BAZ2B: variants seen among roughly 807,000 people sequenced by gnomAD.
BAZ2B encodes the protein bromodomain adjacent to zinc finger domain 2B.
In BAZ2B, 91 loss-of-function variants were observed where a neutral mutation model predicts 246.0. The observed-to-expected ratio is 0.37, with a 90% confidence interval of 0.31 to 0.44. The LOEUF is 0.44. BAZ2B is among the 20% of genes least tolerant of loss of function. BAZ2B has a pLI of 1.00. For missense variants in BAZ2B, 2,332 were observed against 2,533.7 expected, an observed-to-expected ratio of 0.92 and a Z score of 1.71; for synonymous variants, 855 against 860.0, an observed-to-expected ratio of 0.99 and a Z score of 0.10.
chr2:159,623,581 A>G, the BAZ2B span, among the ~76,000 whole-genome samples: 1 of 152,192 alleles, frequency 6.6e-6, no homozygotes, highest in Non-Finnish European at 1.5e-5. Context: ...TGAGGCTCCT[A>G]TAGAAAAAAG....
intron 2 of BAZ2B, among the ~76,000 whole-genome samples, chr2:159,508,614 A>T (rs1380938442): frequency 6.6e-6 from 1 of 151,980 alleles, no homozygotes. Context: ...CCAAAAATAA[A>T]AAAAAAAATT....
intron 6 of BAZ2B, among the ~76,000 whole-genome samples, chr2:159,440,987 A>C (rs1483134028): frequency 1.3e-5 from 2 of 152,174 alleles, no homozygotes; most frequent in Non-Finnish European, 2.9e-5. Context: ...ACAATGAGAA[A>C]GATCACAAGG....
At chr2:159,483,447 G>T (rs2079463662) in intron 2 of BAZ2B, among the ~76,000 whole-genome samples, 1 of 152,138 alleles carries the variant, frequency 6.6e-6, no homozygotes, top group Non-Finnish European at 1.5e-5. Flanking sequence ...CTATCTGCCT[G>T]TCTTCGCCTC....
downstream of BAZ2B, among the ~76,000 whole-genome samples, chr2:159,318,088 G>C (rs563617263): frequency 9.7e-4 from 148 of 151,978 alleles, 1 homozygote; most frequent in South Asian, 2.1e-3. Context: ...AGCCCCTGAG[G>C]CACCAGACAT....
At chr2:159,636,403 T>C in the BAZ2B span, among the ~76,000 whole-genome samples, 21 of 152,108 alleles carry the variant, frequency 1.4e-4, no homozygotes, top group African/African-American at 4.8e-4. Context: ...TATACTGAAC[T>C]CAGTGATGCC....
chr2:159,551,266 A>G (rs6711131), intron 2 of BAZ2B, among the ~76,000 whole-genome samples: 60,719 of 151,618 alleles, frequency 0.4, 12,355 homozygotes, highest in South Asian at 0.59. Context: ...TCAGGAGATC[A>G]AAACCATCCT....
rs181738158 is a variant in BAZ2B at position 159,558,758 on chromosome 2, A to G, written c.-45-2893T>C. Among the ~76,000 whole-genome samples the G allele has an allele frequency of 5.9e-5, 9 of 152,286 alleles. No individual in the cohort carries two copies. The East Asian group carries it at 1.7e-3, about 29-fold the overall frequency. On this transcript the variant is annotated intron_variant, in intron 1 of 36. Coordinates refer to ENST00000392783, the MANE Select transcript of BAZ2B (RefSeq NM_013450.4). ...AATTGCAGGGTTTTTTGTTTTGTTT[A>G]AGTTCAAGAAGTAGAGACATAGAAA...
At chr2:159,627,052 A>G in the BAZ2B span, among the ~76,000 whole-genome samples, 1 of 152,184 alleles carries the variant, frequency 6.6e-6, no homozygotes. Flanking sequence ...CTACGCAAAT[A>G]AACTAGAAAA....
intron 3 of BAZ2B, 118 bp from the exon 4 acceptor site, chr2:159,453,919 C>G (rs539177959): frequency 1.1e-6 from 1 of 890,756 alleles, no homozygotes; most frequent in East Asian, 3.3e-5. Flanking sequence ...TTATTTTACC[C>G]TTTTCCTGCT....
the BAZ2B span, among the ~76,000 whole-genome samples, chr2:159,703,903 C>A: frequency 6.6e-6 from 1 of 152,080 alleles, no homozygotes; most frequent in African/African-American, 2.4e-5. Flanking sequence ...GAGGTCTCAG[C>A]TTCAAAGATA....
chr2:159,601,801 A>G (rs184370063), intron 1 of BAZ2B, among the ~76,000 whole-genome samples: 316 of 152,346 alleles, frequency 2.1e-3, no homozygotes, highest in Non-Finnish European at 3.1e-3. Flanking sequence ...CCAAAAGGTA[A>G]TATCATAAAA....
the BAZ2B span, among the ~76,000 whole-genome samples, chr2:159,656,445 A>G: frequency 6.6e-6 from 1 of 152,108 alleles, no homozygotes; most frequent in African/African-American, 2.4e-5. Flanking sequence ...CATACAGGAT[A>G]GTTTCACGAT....
chr2:159,652,944 TA>T, the BAZ2B span, among the ~76,000 whole-genome samples: 8 of 18,576 alleles, frequency 4.3e-4, no homozygotes, highest in African/African-American at 1.9e-3. Context: ...TTTTTATTTT[TA>T]TTTTTTTTTT....
intron 13 of BAZ2B, among the ~76,000 whole-genome samples, chr2:159,424,254 T>G (rs2069349851): frequency 6.6e-6 from 1 of 152,196 alleles, no homozygotes; most frequent in South Asian, 2.1e-4. Context: ...AGGCTGTTGC[T>G]TCTCTTTCAG....
At chr2:159,587,148 G>A (rs1018606867) in intron 1 of BAZ2B, among the ~76,000 whole-genome samples, 1 of 150,750 alleles carries the variant, frequency 6.6e-6, no homozygotes, top group Non-Finnish European at 1.5e-5. Context: ...GCGCAATCTC[G>A]GCTCACTGCA....
chr2:159,495,013 TAAA>T lies in BAZ2B; in HGVS notation c.-2-16295_-2-16293del, dbSNP rs1559610219. ...CTAGGCATTAGAAGATGGTATTATATAAATTTAGGAAATGGGGTGGCCTTTTCA... is the reference window on the plus strand; with the variant it reads ...CTAGGCATTAGAAGATGGTATTATATTTTAGGAAATGGGGTGGCCTTTTCA... On this transcript the variant is annotated intron_variant, in intron 2 of 36. Coordinates refer to ENST00000392783, the MANE Select transcript of BAZ2B (RefSeq NM_013450.4). Among the ~76,000 whole-genome samples, 3 of 152,132 alleles carry T rather than the reference TAAA, an allele frequency of 2.0e-5. No homozygotes were observed. In the East Asian group the frequency reaches 5.8e-4, roughly 29 times the overall value.
intron 1 of BAZ2B, among the ~76,000 whole-genome samples, chr2:159,571,841 T>C (rs192610967): frequency 1.3e-5 from 2 of 152,164 alleles, no homozygotes; most frequent in Non-Finnish European, 2.9e-5. Flanking sequence ...ATCCATCTCT[T>C]GATCAGGAGC....
chr2:159,456,758 G>A (rs186281502), intron 3 of BAZ2B, among the ~76,000 whole-genome samples: 1 of 152,080 alleles, frequency 6.6e-6, no homozygotes, highest in Non-Finnish European at 1.5e-5. Context: ...GAGTCTTACA[G>A]GTCCATTCCT....
intron 1 of BAZ2B, among the ~76,000 whole-genome samples, chr2:159,591,970 A>G (rs575432350): frequency 4.1e-4 from 62 of 152,230 alleles, no homozygotes; most frequent in African/African-American, 1.4e-3. Flanking sequence ...AATTTTTAAA[A>G]GCAGCCAGGC....
Sources: allele counts gnomAD v4.1 joint callset (sites outside exome capture counted in the v4.1 genomes callset), GRCh38; gene constraint gnomAD v4.1.1; transcripts MANE v1.5; gene names NCBI Gene and HGNC (gene_info 2026-07-23, HGNC 2026-07-21).